NIN: variants seen among roughly 807,000 people sequenced by gnomAD.
NIN encodes the protein glycogen synthase kinase 3 beta-interacting protein.
A neutral mutation model predicts 257.6 loss-of-function variants in NIN; 137 were observed. The ratio of observed to expected loss-of-function variants is 0.53; its 90% confidence interval spans 0.46 to 0.61. The LOEUF is 0.61. Among genes scored for constraint, NIN ranks in the 20% least tolerant of loss-of-function variants. The pLI is 0.00. For missense variants in NIN, 2,439 were observed against 2,501.2 expected (o/e 0.98, Z 0.53); for synonymous variants, 918 against 919.8 (o/e 1.00, Z 0.04).
chr14:50,770,733 T>C lies in NIN; in HGVS notation c.1259+119A>G, dbSNP rs532995920. The stretch of plus-strand genomic sequence containing the variant: ...CCACATCTGAGTCACTCCAGCAAGG[T>C]GTGGCCAACAGGCTGACCAGAAGAG... On this transcript the variant is annotated intron_variant, in intron 11 of 30. Transcript: ENST00000530997. The C allele has an allele frequency of 1.2e-5, 16 of 1,369,736 alleles. No individual in the cohort carries two copies. The East Asian group carries it at 3.8e-4, about 32-fold the overall frequency. 84.8% of individuals were successfully genotyped at this position (1,369,736 alleles called of 1,614,324 possible).
chr14:50,795,997 A>G (rs558668408), intron 4 of NIN, among the ~76,000 whole-genome samples: 5 of 152,194 alleles, frequency 3.3e-5, no homozygotes, highest in Admixed American at 6.5e-5. Context: ...AAACGAAACA[A>G]AACAAAAAGA....
intron 23 of NIN, among the ~76,000 whole-genome samples, 184 bp from the exon 24 acceptor site, chr14:50,743,713 G>A (rs567340788): frequency 2.6e-5 from 4 of 152,256 alleles, no homozygotes; most frequent in South Asian, 2.1e-4. Flanking sequence ...TGTTTTACAC[G>A]TCTAATTTTG....
At chr14:50,736,961 C>T (rs1157975768) in intron 27 of NIN, among the ~76,000 whole-genome samples, 1 of 152,144 alleles carries the variant, frequency 6.6e-6, no homozygotes, top group Non-Finnish European at 1.5e-5. Context: ...GGACAAATTA[C>T]AGAAAGCAAA....
chr14:50,769,925 A>G (rs2042659901), intron 12 of NIN, among the ~76,000 whole-genome samples: 1 of 151,018 alleles, frequency 6.6e-6, no homozygotes, highest in African/African-American at 2.4e-5. Context: ...TCTGGGTGAC[A>G]GAGTGAGACC....
intron 28 of NIN, among the ~76,000 whole-genome samples, chr14:50,733,491 G>C (rs1057490019): frequency 3.9e-5 from 6 of 152,132 alleles, no homozygotes; most frequent in African/African-American, 1.4e-4. Context: ...TTTTTCCTTA[G>C]CTGTTCGGCT....
intron 9 of NIN, chr14:50,771,862 G>A (rs971347968): frequency 1.6e-5 from 3 of 189,524 alleles, no homozygotes; most frequent in Non-Finnish European, 3.3e-5. Flanking sequence ...GTGTGCGCCT[G>A]TAGTCCCAGC....
chr14:50,790,983 C>CA (rs892406880), intron 5 of NIN, among the ~76,000 whole-genome samples: 263 of 150,614 alleles, frequency 1.7e-3, no homozygotes, highest in Non-Finnish European at 3.0e-3. Flanking sequence ...AAACTCATGT[C>CA]AAAAAAAAAG....
intron 29 of NIN, among the ~76,000 whole-genome samples, chr14:50,727,906 T>C (rs1211811241): frequency 2.6e-5 from 4 of 152,082 alleles, no homozygotes; most frequent in African/African-American, 9.7e-5. Flanking sequence ...GCAGAAGAGA[T>C]CACATCACTC....
chr14:50,771,237 A>T, intron 10 of NIN, 95 bp downstream of exon 10: 1 of 1,436,628 alleles, frequency 7.0e-7, no homozygotes. Context: ...CAACATTTGC[A>T]TACAGAATAG....
chr14:50,819,744 A>G (rs2045110267), intron 3 of NIN, among the ~76,000 whole-genome samples: 2 of 152,260 alleles, frequency 1.3e-5, no homozygotes, highest in East Asian at 3.8e-4. Flanking sequence ...ATAGATTAAT[A>G]TATTCAGATT....
chr14:50,791,558 T>TA (rs1001856558), intron 5 of NIN, among the ~76,000 whole-genome samples: 11 of 151,418 alleles, frequency 7.3e-5, no homozygotes, highest in Admixed American at 6.6e-5. Flanking sequence ...TTTGTTTTTT[T>TA]AAAAAAAAAT....
chr14:50,772,453 C>G lies in NIN; in HGVS notation c.829G>C (p.Gly277Arg), dbSNP rs1182615201. ...GCTGATGAGGTTGTGGTACGTCGTC[C>G]ACTCTCATCGAAAGACTGGAAGGAG... Reference protein sequence around the residue: ...HLSMQSFDESGRRTTTSSAMT... With the variant: ...HLSMQSFDESRRRTTTSSAMT... The change falls in exon 9 of 31, where the codon GGA becomes CGA. Residue 277 changes from glycine to arginine, a missense_variant. Gly to Arg is a moderately radical substitution (Grantham distance 125, BLOSUM62 -2). Coordinates refer to ENST00000530997, the MANE Select transcript of NIN (RefSeq NM_020921.4). 10 of 1,614,132 alleles carry G rather than the reference C, an allele frequency of 6.2e-6. No individual in the cohort carries two copies. Among genetic ancestry groups the G allele is most frequent in the Non-Finnish European group, 8.5e-6 (10 of 1,180,000 alleles).
intron 27 of NIN, 58 bp downstream of exon 27, chr14:50,738,082 C>T (rs750466964): frequency 1.0e-5 from 16 of 1,560,336 alleles, no homozygotes; most frequent in Non-Finnish European, 1.3e-5. Flanking sequence ...AAGAAACACA[C>T]TTAAGAACGC....
rs1175226036 is a variant in NIN, at chr14:50,720,418, A to C, written c.*3045T>G. 1 of 212,520 alleles carries C rather than the reference A, an allele frequency of 4.7e-6. No homozygotes were observed. The highest frequency in any genetic ancestry group is 9.5e-6 in the Non-Finnish European group (1 of 104,890). The allele number at this position is 212,520 out of a possible 1,614,324, so 13.2% of individuals were successfully genotyped here. ...TAAAAAATTCATTTCTCACATGTTA[A>C]AAAAGCAAAGTCTGCCATAAACCCT... On this transcript the variant is annotated 3_prime_UTR_variant, in exon 31 of 31. Coordinates refer to ENST00000530997, the MANE Select transcript of NIN (RefSeq NM_020921.4).
intron 25 of NIN, among the ~76,000 whole-genome samples, chr14:50,739,877 G>A (rs1595732175): frequency 6.6e-6 from 1 of 152,308 alleles, no homozygotes; most frequent in East Asian, 1.9e-4. Flanking sequence ...ATTCACAGAG[G>A]ACATAAAGAG....
chr14:50,756,055 A>G (rs1385901792), intron 18 of NIN, among the ~76,000 whole-genome samples: 2 of 152,096 alleles, frequency 1.3e-5, no homozygotes, highest in African/African-American at 4.8e-5. Flanking sequence ...CTATATTAGC[A>G]TAAGAAGTGA....
intron 5 of NIN, among the ~76,000 whole-genome samples, chr14:50,779,533 C>G (rs985745022): frequency 1.4e-4 from 21 of 151,904 alleles, no homozygotes; most frequent in Non-Finnish European, 1.9e-4. Context: ...CCGAGGTGGG[C>G]GGATCACGAG....
At chr14:50,762,040 T>C (rs1205898927) in intron 15 of NIN, 129 bp from the exon 16 acceptor site, 9 of 967,910 alleles carry the variant, frequency 9.3e-6, no homozygotes, top group South Asian at 6.2e-5. Context: ...TGTGAACTAA[T>C]AGGAAATAAC....
intron 4 of NIN, among the ~76,000 whole-genome samples, chr14:50,793,963 G>A (rs527759236): frequency 6.2e-4 from 94 of 152,204 alleles, no homozygotes; most frequent in Non-Finnish European, 1.2e-3. Flanking sequence ...GAACAGATAT[G>A]TATTCTGTTT....
Sources: gnomAD v4.1 joint callset for allele counts (sites outside exome capture counted in the v4.1 genomes callset) on GRCh38, gnomAD v4.1.1 for gene constraint, MANE v1.5 for transcripts, NCBI Gene and HGNC (gene_info 2026-07-23, HGNC 2026-07-21) for gene names.